The following NDST3 variants were observed in gnomAD, a reference collection of about 807,000 sequenced individuals.
NDST3 encodes the protein N-deacetylase and N-sulfotransferase 3, also known as bifunctional heparan sulfate N-deacetylase/N-sulfotransferase 3.
A neutral mutation model predicts 96.1 loss-of-function variants in NDST3; 58 were observed. The ratio of observed to expected loss-of-function variants is 0.60; its 90% confidence interval spans 0.49 to 0.75. The LOEUF (loss-of-function observed/expected upper bound fraction) is 0.75, where lower values mean the gene tolerates loss of function less well. Ranked by LOEUF, NDST3 falls within the 30% of genes least tolerant of loss-of-function variation. NDST3 has a pLI of 0.00. For synonymous variants in NDST3, 333 were observed against 359.7 expected (o/e 0.93, Z 0.84); for missense variants, 788 against 1,034.2 (o/e 0.76, Z 3.27).
At chr4:118,193,311 T>C (rs58703298) in intron 6 of NDST3, 19,783 of 402,400 alleles carry the variant, frequency 0.049, 1,594 homozygotes, top group African/African-American at 0.25. Flanking sequence ...AAAGGTCTAA[T>C]TCACTCAAAA....
chr4:118,088,310 T>C (rs1329044550), intron 2 of NDST3, among the ~76,000 whole-genome samples: 1 of 152,112 alleles, frequency 6.6e-6, no homozygotes, highest in Non-Finnish European at 1.5e-5. Context: ...GTTCAAATAA[T>C]TTTCTGTGAC....
chr4:118,168,010 T>C (rs984368804), intron 6 of NDST3, among the ~76,000 whole-genome samples: 4 of 151,974 alleles, frequency 2.6e-5, no homozygotes, highest in Non-Finnish European at 5.9e-5. Context: ...GCAATGATTC[T>C]TGAATATGAC....
At chr4:118,052,185 T>C (rs1187502911) in intron 1 of NDST3, among the ~76,000 whole-genome samples, 3 of 152,068 alleles carry the variant, frequency 2.0e-5, no homozygotes, top group African/African-American at 7.2e-5. Context: ...AAATACACCA[T>C]GGAATACTAT....
intron 4 of NDST3, among the ~76,000 whole-genome samples, chr4:118,123,297 T>C (rs561174300): frequency 1.3e-5 from 2 of 152,274 alleles, no homozygotes; most frequent in Admixed American, 6.5e-5. Flanking sequence ...ATTAGTACTA[T>C]GTAGACTTCA....
chr4:118,230,708 T>C (rs1460703130), intron 8 of NDST3, among the ~76,000 whole-genome samples: 1 of 152,212 alleles, frequency 6.6e-6, no homozygotes, highest in African/African-American at 2.4e-5. Flanking sequence ...AGGACCACTG[T>C]TTTAAGGCAA....
chr4:118,036,722 T>A (rs1265554703), intron 1 of NDST3, among the ~76,000 whole-genome samples: 1 of 152,186 alleles, frequency 6.6e-6, no homozygotes, highest in Non-Finnish European at 1.5e-5. Flanking sequence ...TCACAGTGAG[T>A]GATTTATTCT....
At chr4:118,167,221 C>T (rs1335816420) in intron 6 of NDST3, among the ~76,000 whole-genome samples, 1 of 151,712 alleles carries the variant, frequency 6.6e-6, no homozygotes, top group Non-Finnish European at 1.5e-5. Context: ...TTAACAGTTC[C>T]AGGATACAAA....
chr4:118,143,434 C>T, intron 5 of NDST3, 122 bp from the exon 6 acceptor site: 3 of 923,058 alleles, frequency 3.3e-6, no homozygotes, highest in East Asian at 2.8e-5. Context: ...ATTGTCCAGG[C>T]CCTGGTTAGA....
At chr4:118,186,064 C>T (rs961909075) in intron 6 of NDST3, among the ~76,000 whole-genome samples, 4 of 152,038 alleles carry the variant, frequency 2.6e-5, no homozygotes, top group East Asian at 3.9e-4. Flanking sequence ...TTTTGGGTAA[C>T]GGTCAGAGGA....
Position 118,182,036 on chromosome 4 carries a change from C to A in NDST3, c.1539+38352C>A, listed in dbSNP as rs564021586. 2.2e-4 allele frequency among the ~76,000 whole-genome samples: 33 copies of A among 152,212 alleles called. 2 individuals carry two copies. The South Asian group carries it at 5.8e-3, about 27-fold the overall frequency. ...CCTCTCAAGGTCCAGAGCCACTTCC[C>A]AAAGACAGCCAAAAGAGAAAAAGAT... On this transcript the variant is annotated intron_variant, in intron 6 of 13. Coordinates refer to ENST00000296499, the MANE Select transcript of NDST3 (RefSeq NM_004784.3).
chr4:118,177,927 T>G (rs142384161), intron 6 of NDST3, among the ~76,000 whole-genome samples: 320 of 151,976 alleles, frequency 2.1e-3, no homozygotes, highest in Non-Finnish European at 3.6e-3. Context: ...AGGAGGGGCT[T>G]TACTGAAATG....
chr4:118,229,514 CAG>C (rs1483752394), intron 8 of NDST3, among the ~76,000 whole-genome samples: 1 of 152,116 alleles, frequency 6.6e-6, no homozygotes, highest in Non-Finnish European at 1.5e-5. Flanking sequence ...CAGGTAAAGA[CAG>C]AATTCAGAAA....
chr4:118,202,155 G>C (rs1738130407), intron 6 of NDST3, among the ~76,000 whole-genome samples: 1 of 152,168 alleles, frequency 6.6e-6, no homozygotes, highest in South Asian at 2.1e-4. Flanking sequence ...GTCTGTTTCT[G>C]TACCAGTACT....
intron 12 of NDST3, among the ~76,000 whole-genome samples, chr4:118,251,088 T>TTTTA (rs372261437): frequency 0.26 from 36,206 of 139,126 alleles, 5,373 homozygotes; most frequent in Non-Finnish European, 0.34. Context: ...GCTATAAATT[T>TTTTA]TTTATTTATT....
chr4:118,107,039 G>A (rs535794408), intron 3 of NDST3, among the ~76,000 whole-genome samples: 36 of 152,206 alleles, frequency 2.4e-4, no homozygotes, highest in African/African-American at 8.2e-4. Context: ...GCAGTGAGCC[G>A]AGATTGCGCC....
intron 6 of NDST3, among the ~76,000 whole-genome samples, chr4:118,148,583 T>A (rs1361766383): frequency 2.6e-5 from 4 of 152,160 alleles, no homozygotes; most frequent in Non-Finnish European, 5.9e-5. Context: ...AGAGTGAATA[T>A]CTTAAACTAG....
At chr4:118,091,356 C>T (rs1728851939) in intron 2 of NDST3, among the ~76,000 whole-genome samples, 1 of 151,622 alleles carries the variant, frequency 6.6e-6, no homozygotes, top group Non-Finnish European at 1.5e-5. Flanking sequence ...TAGGATTTTG[C>T]AGATAAACCA....
At chr4:118,051,370 C>T (rs1393702676) in intron 1 of NDST3, among the ~76,000 whole-genome samples, 1 of 151,962 alleles carries the variant, frequency 6.6e-6, no homozygotes, top group Non-Finnish European at 1.5e-5. Context: ...GGCTAAGTCC[C>T]CAAAAGCAAT....
intron 2 of NDST3, among the ~76,000 whole-genome samples, chr4:118,074,628 G>C (rs1727348953): frequency 6.6e-6 from 1 of 152,036 alleles, no homozygotes; most frequent in South Asian, 2.1e-4. Context: ...TGAGGCTATG[G>C]GTGTCACTGC....
Sources: gnomAD v4.1 joint callset for allele counts (sites outside exome capture counted in the v4.1 genomes callset) on GRCh38, gnomAD v4.1.1 for gene constraint, MANE v1.5 for transcripts, NCBI Gene and HGNC (gene_info 2026-07-23, HGNC 2026-07-21) for gene names.